BACE1: variants seen among roughly 807,000 people sequenced by gnomAD.
BACE1 encodes the protein beta-secretase 1.
BACE1 carries 21 observed loss-of-function variants against 54.0 expected under a neutral mutation model. That is an observed-to-expected ratio of 0.39 (90% CI 0.28 to 0.56). The LOEUF is 0.56. Ranked by LOEUF, BACE1 falls within the 20% of genes least tolerant of loss-of-function variation. BACE1 has a pLI of 0.63. For synonymous variants in BACE1, 232 were observed against 260.9 expected (o/e 0.89, Z 1.07); for missense variants, 511 against 661.2 (o/e 0.77, Z 2.49).
At chr11:117,295,399 G>T in intron 2 of BACE1, 52 bp from the exon 3 acceptor site, 2 of 1,595,210 alleles carry the variant, frequency 1.3e-6, no homozygotes, top group African/African-American at 1.3e-5. Flanking sequence ...CTGGTATAAG[G>T]ATCTAAGTTA....
intron 1 of BACE1, among the ~76,000 whole-genome samples, chr11:117,313,624 A>G (rs2035005268): frequency 6.6e-6 from 1 of 152,000 alleles, no homozygotes; most frequent in Admixed American, 6.6e-5. Flanking sequence ...TTTTAGTAGA[A>G]ACAGGGTTTT....
chr11:117,291,156 A>C, intron 6 of BACE1, 107 bp from the exon 7 acceptor site: 1 of 1,404,348 alleles, frequency 7.1e-7, no homozygotes, highest in South Asian at 1.3e-5. Context: ...TTCCAGTGAA[A>C]TATCTAAAGT....
At chr11:117,314,385 G>C (rs2035024677) in intron 1 of BACE1, among the ~76,000 whole-genome samples, 1 of 152,174 alleles carries the variant, frequency 6.6e-6, no homozygotes, top group Admixed American at 6.5e-5. Flanking sequence ...GCTGGCTTCT[G>C]TAAAGTAATT....
In BACE1 at chr11:117,293,475, T is replaced by C; in HGVS notation, c.706-287A>G. 3.3e-6 allele frequency: 1 copy of C among 305,524 alleles called. No homozygotes were observed. The highest frequency in any genetic ancestry group is 5.9e-6 in the Non-Finnish European group (1 of 169,662). The allele number at this position is 305,524 out of a possible 1,614,324, so 18.9% of individuals were successfully genotyped here. ...ACTGCCACAATAAATGTTGAATGAA[T>C]GGTTATTTGTTTATATTATAAGTTT... On this transcript the variant is annotated intron_variant, in intron 4 of 8. Transcript: ENST00000313005. The surrounding 1 kb of genome is among the most constrained non-coding windows in gnomAD (Gnocchi z 4.1).
rs751955665 is a variant in BACE1 at position 117,291,030 on chromosome 11, C to T, written c.962G>A (p.Gly321Asp). Residue 321 changes from glycine to aspartate, a missense_variant, in exon 7 of 9, where the codon GGT becomes GAT. Coordinates refer to ENST00000313005, the MANE Select transcript of BACE1 (RefSeq NM_012104.6). The part of the protein sequence containing the change: ...AASSTEKFPD[G>D]FWLGEQLVCW... ...CACCAGCTGCTCTCCTAGCCAGAAA[C>T]CATCAGGGAACTTCTCCGTCTGTGT... is the stretch of plus-strand genomic sequence containing the variant. 3.3e-5 allele frequency: 53 copies of T among 1,614,004 alleles called. No individual in the cohort carries two copies. The highest frequency in any genetic ancestry group is 1.6e-4 in the Middle Eastern group (1 of 6,082).
chr11:117,291,565 C>A, intron 6 of BACE1, 147 bp downstream of exon 6: 2 of 576,992 alleles, frequency 3.5e-6, no homozygotes, highest in Non-Finnish European at 6.1e-6. Flanking sequence ...CGTGAGCCAC[C>A]ACGCCTGGCT....
intron 1 of BACE1, among the ~76,000 whole-genome samples, chr11:117,310,463 C>T (rs954591201): frequency 1.3e-5 from 2 of 152,174 alleles, no homozygotes; most frequent in South Asian, 2.1e-4. Context: ...GACAGAGTCT[C>T]GCTCTGGAGT....
intron 1 of BACE1, among the ~76,000 whole-genome samples, chr11:117,298,725 C>A (rs1479818947): frequency 2.0e-5 from 3 of 152,192 alleles, no homozygotes; most frequent in African/African-American, 7.2e-5. Context: ...CTGGTGAAAA[C>A]CCATCTTGTC....
chr11:117,307,664 C>T (rs1410859222), intron 1 of BACE1, among the ~76,000 whole-genome samples: 1 of 152,060 alleles, frequency 6.6e-6, no homozygotes, highest in Non-Finnish European at 1.5e-5. Context: ...TTGGAGAGGC[C>T]CAAGAAGGGT....
At chr11:117,311,193 A>G (rs184052635) in intron 1 of BACE1, among the ~76,000 whole-genome samples, 99 of 152,112 alleles carry the variant, frequency 6.5e-4, no homozygotes, top group Middle Eastern at 3.4e-3. Flanking sequence ...ATTTGAAAAA[A>G]TCAGCTGGGG....
intron 2 of BACE1, among the ~76,000 whole-genome samples, chr11:117,296,428 C>T (rs2034601532): frequency 6.6e-6 from 1 of 152,274 alleles, no homozygotes; most frequent in South Asian, 2.1e-4. Context: ...TGCAAAGCCA[C>T]CTAGAGTGGC....
intron 8 of BACE1, 49 bp from the exon 9 acceptor site, chr11:117,289,856 G>C: frequency 6.4e-7 from 1 of 1,554,094 alleles, no homozygotes; most frequent in East Asian, 2.3e-5. Context: ...TCATAGAGGA[G>C]TTAACAAAAA....
chr11:117,305,312 C>T (rs1337830329), intron 1 of BACE1, among the ~76,000 whole-genome samples: 4 of 152,280 alleles, frequency 2.6e-5, no homozygotes, highest in South Asian at 2.1e-4. Context: ...AAGTCAGCAG[C>T]GGGGAGGGGC....
chr11:117,295,543 A>G, intron 2 of BACE1, 196 bp from the exon 3 acceptor site: 1 of 1,535,792 alleles, frequency 6.5e-7, no homozygotes, highest in Non-Finnish European at 8.7e-7. Flanking sequence ...GATGAAGGGA[A>G]CCATTGGTGA....
At chr11:117,291,859 G>T in intron 5 of BACE1, 46 bp from the exon 6 acceptor site, 1 of 1,463,080 alleles carries the variant, frequency 6.8e-7, no homozygotes, top group Non-Finnish European at 9.6e-7. Flanking sequence ...GGTTTTTGAT[G>T]CTGGGCTCTG....
intron 1 of BACE1, among the ~76,000 whole-genome samples, chr11:117,301,584 G>A (rs1489770656): frequency 1.3e-5 from 2 of 151,842 alleles, no homozygotes; most frequent in Non-Finnish European, 2.9e-5. Flanking sequence ...ACTCCAGCCT[G>A]GGTGACAGAA....
chr11:117,301,008 TG>T (rs1491577451), intron 1 of BACE1, among the ~76,000 whole-genome samples: 1 of 152,268 alleles, frequency 6.6e-6, no homozygotes, highest in African/African-American at 2.4e-5. Context: ...ATTCTAAAAC[TG>T]GGTTTCGCCT....
At chr11:117,303,988 C>T (rs1000992369) in intron 1 of BACE1, among the ~76,000 whole-genome samples, 1 of 152,186 alleles carries the variant, frequency 6.6e-6, no homozygotes, top group African/African-American at 2.4e-5. Context: ...GGTCTTTCAT[C>T]TCCTTGACCT....
rs750673315 is a variant in BACE1 at position 117,310,975 on chromosome 11, CT to C, written c.261+4559del. 6.2e-3 allele frequency among the ~76,000 whole-genome samples: 873 copies of C among 141,812 alleles called. 2 individuals are homozygous for C. Among genetic ancestry groups the C allele is most frequent in the East Asian group, 0.013 (62 of 4,612 alleles). 93.0% of individuals were successfully genotyped at this position (141,812 alleles called of 152,430 possible). A position where few individuals can be genotyped will look rare whatever the true frequency, so the allele number is the denominator to read the frequency against. Reference sequence around the variant, plus strand: ...GCTAGACACTGTGAGTGATAAAGACCTTTTTTTTTTTTTTTCTTTTTTGGAG... The same window carrying C: ...GCTAGACACTGTGAGTGATAAAGACCTTTTTTTTTTTTTTCTTTTTTGGAG... On this transcript the variant is annotated intron_variant, in intron 1 of 8. Coordinates refer to ENST00000313005, the MANE Select transcript of BACE1 (RefSeq NM_012104.6).
Sources: gnomAD v4.1 joint callset for allele counts (sites outside exome capture counted in the v4.1 genomes callset) on GRCh38, gnomAD v4.1.1 for gene constraint, Gnocchi (gnomAD v3.1) non-coding constraint, MANE v1.5 for transcripts, NCBI Gene and HGNC (gene_info 2026-07-23, HGNC 2026-07-21) for gene names.